Variants in EEPD1 observed in about 807,000 individuals in gnomAD.
EEPD1 encodes endonuclease/exonuclease/phosphatase family domain-containing protein 1.
Under a neutral mutation model 46.3 loss-of-function variants are expected in EEPD1, and 17 were observed. The observed-to-expected ratio is 0.37, with a 90% CI of 0.25 to 0.55. EEPD1 has a LOEUF of 0.55. Ranked by LOEUF, EEPD1 falls within the 20% of genes least tolerant of loss-of-function variation. The pLI is 0.83. For missense variants in EEPD1, 673 were observed against 745.6 expected, an observed-to-expected ratio of 0.90 and a Z score of 1.13; for synonymous variants, 313 against 315.6, an observed-to-expected ratio of 0.99 and a Z score of 0.09.
At chr7:36,243,965 T>G (rs1786596879) in intron 3 of EEPD1, among the ~76,000 whole-genome samples, 1 of 151,040 alleles carries the variant, frequency 6.6e-6, no homozygotes, top group Non-Finnish European at 1.5e-5. Context: ...AGTTAATGGG[T>G]GCAGCACACC....
At chr7:36,295,588 A>T (rs1488185232) in intron 6 of EEPD1, among the ~76,000 whole-genome samples, 2 of 152,162 alleles carry the variant, frequency 1.3e-5, no homozygotes, top group African/African-American at 4.8e-5. Context: ...ATATCAAATG[A>T]ATGTTTTGAT....
chr7:36,173,271 G>A (rs552331672), intron 2 of EEPD1, among the ~76,000 whole-genome samples: 13 of 147,934 alleles, frequency 8.8e-5, no homozygotes, highest in African/African-American at 2.2e-4. Flanking sequence ...GGCGGATCAC[G>A]AGGTCAGGAG....
At chr7:36,213,336 G>C (rs997429070) in intron 2 of EEPD1, among the ~76,000 whole-genome samples, 6 of 152,014 alleles carry the variant, frequency 3.9e-5, no homozygotes, top group African/African-American at 1.4e-4. Context: ...ACTCGGGCTT[G>C]GTCTGATGGT....
At position 36,270,533 on chromosome 7, in the gene EEPD1, A is replaced by G. The variant is rs148162033; in HGVS notation, c.931-10582A>G. Reference sequence around the variant, plus strand: ...CATGTGTTCTCATTGTTCAACTCCTACTTATGAGTGAGAACATGTGGCATT... The same window carrying G: ...CATGTGTTCTCATTGTTCAACTCCTGCTTATGAGTGAGAACATGTGGCATT... On this transcript the variant is annotated intron_variant, in intron 3 of 7. Transcript: ENST00000242108. 5.0e-3 allele frequency among the ~76,000 whole-genome samples: 763 copies of G among 152,114 alleles called. 8 individuals carry two copies. Among genetic ancestry groups the G allele is most frequent in the African/African-American group, 0.018 (738 of 41,502 alleles).
At chr7:36,282,667 A>T (rs1031620321) in intron 4 of EEPD1, among the ~76,000 whole-genome samples, 9 of 152,248 alleles carry the variant, frequency 5.9e-5, no homozygotes, top group Admixed American at 4.6e-4. Flanking sequence ...ATTTTAAAAG[A>T]TACTATGCAT....
rs1303665524 is a variant in EEPD1 at position 36,183,101 on chromosome 7, C to T, written c.878+27899C>T. 7.9e-5 allele frequency among the ~76,000 whole-genome samples: 12 copies of T among 152,280 alleles called. No homozygotes were observed. In the East Asian group the frequency reaches 2.1e-3, roughly 27 times the overall value. On this transcript the variant is annotated intron_variant, in intron 2 of 7. Transcript: ENST00000242108. Reference sequence around the variant, plus strand: ...AGGAGGGCGGCCTCATCCCTAAGCCCGGCTCCTGAGGCAGCTCAAAGACCA... The same window carrying T: ...AGGAGGGCGGCCTCATCCCTAAGCCTGGCTCCTGAGGCAGCTCAAAGACCA...
At chr7:36,188,143 C>A (rs1390910182) in intron 2 of EEPD1, among the ~76,000 whole-genome samples, 4 of 152,126 alleles carry the variant, frequency 2.6e-5, no homozygotes, top group Admixed American at 1.3e-4. Flanking sequence ...CTTATTAATT[C>A]TCTGGGTACA....
intron 2 of EEPD1, among the ~76,000 whole-genome samples, chr7:36,197,768 A>G (rs1366018671): frequency 6.6e-6 from 1 of 152,134 alleles, no homozygotes; most frequent in East Asian, 1.9e-4. Flanking sequence ...CCAGGGACAC[A>G]AACACTCTGC....
intron 3 of EEPD1, among the ~76,000 whole-genome samples, chr7:36,240,314 A>C (rs1196113540): frequency 6.6e-6 from 1 of 152,204 alleles, no homozygotes; most frequent in Non-Finnish European, 1.5e-5. Context: ...GCTGGTTGGC[A>C]CTAAGACAAA....
chr7:36,159,220 AC>A (rs1417304641), intron 2 of EEPD1, among the ~76,000 whole-genome samples: 1 of 152,234 alleles, frequency 6.6e-6, no homozygotes, highest in East Asian at 1.9e-4. Flanking sequence ...TCGCCCTGTT[AC>A]TTACCAAACT....
chr7:36,287,104 G>T (rs531089275), intron 5 of EEPD1, among the ~76,000 whole-genome samples: 1 of 151,802 alleles, frequency 6.6e-6, no homozygotes, highest in East Asian at 1.9e-4. Flanking sequence ...GGGCATGGTG[G>T]CACACACCTA....
chr7:36,206,153 C>T (rs1785813552), intron 2 of EEPD1, among the ~76,000 whole-genome samples: 1 of 152,072 alleles, frequency 6.6e-6, no homozygotes, highest in Non-Finnish European at 1.5e-5. Context: ...ACCAGAAACA[C>T]TAGCCGAGAC....
intron 6 of EEPD1, among the ~76,000 whole-genome samples, chr7:36,293,764 G>C (rs986266170): frequency 2.6e-5 from 4 of 152,150 alleles, no homozygotes; most frequent in African/African-American, 9.7e-5. Flanking sequence ...AGGAGTTCAA[G>C]ACTAGCCTGG....
intron 3 of EEPD1, among the ~76,000 whole-genome samples, chr7:36,272,038 C>T (rs375018742): frequency 1.4e-4 from 22 of 151,880 alleles, no homozygotes; most frequent in African/African-American, 2.2e-4. Flanking sequence ...CCTGCCACAA[C>T]GCCCCGCTAA....
chr7:36,248,079 G>A (rs145148546), intron 3 of EEPD1, among the ~76,000 whole-genome samples: 1 of 152,176 alleles, frequency 6.6e-6, no homozygotes, highest in East Asian at 1.9e-4. Flanking sequence ...CCACCTAGCA[G>A]GTTATGGGAG....
intron 6 of EEPD1, 80 bp from the exon 7 acceptor site, chr7:36,296,913 C>G: frequency 1.4e-6 from 2 of 1,441,476 alleles, no homozygotes; most frequent in Non-Finnish European, 1.9e-6. Context: ...GAATCTCAAT[C>G]CCGTTTCAAA....
intron 5 of EEPD1, among the ~76,000 whole-genome samples, chr7:36,286,398 G>A (rs776789114): frequency 3.3e-5 from 5 of 152,178 alleles, no homozygotes; most frequent in African/African-American, 9.7e-5. Context: ...GACCACATCC[G>A]TAAGATAAGA....
chr7:36,271,148 G>A (rs961215445), intron 3 of EEPD1, among the ~76,000 whole-genome samples: 40 of 151,902 alleles, frequency 2.6e-4, no homozygotes, highest in African/African-American at 8.7e-4. Flanking sequence ...CACCACGCCC[G>A]GCTAATTTTT....
chr7:36,166,166 G>A (rs947299836), intron 2 of EEPD1, among the ~76,000 whole-genome samples: 1 of 152,194 alleles, frequency 6.6e-6, no homozygotes, highest in Non-Finnish European at 1.5e-5. Context: ...AGAAACTGTG[G>A]TATTACAGTA....
Sources: allele counts gnomAD v4.1 joint callset (sites outside exome capture counted in the v4.1 genomes callset), GRCh38; gene constraint gnomAD v4.1.1; transcripts MANE v1.5; gene names NCBI Gene and HGNC (gene_info 2026-07-23, HGNC 2026-07-21).